AGBL4: variants seen among roughly 807,000 people sequenced by gnomAD.
The protein encoded by AGBL4 is cytosolic carboxypeptidase 6.
Under a neutral mutation model 66.4 loss-of-function variants are expected in AGBL4, and 58 were observed. The ratio of observed to expected loss-of-function variants is 0.87; its 90% CI spans 0.71 to 1.09. The LOEUF (loss-of-function observed/expected upper bound fraction) is 1.09. AGBL4 is among the 50% of genes least tolerant of loss of function. The probability of loss-of-function intolerance (pLI) is 0.00; values close to 1 mark genes in which losing one functional copy is unlikely to be tolerated. For synonymous variants in AGBL4, 234 were observed against 222.9 expected (o/e 1.05, Z -0.44); for missense variants, 579 against 631.0 (o/e 0.92, Z 0.88).
chr1:49,135,944 C>T (rs146068343), intron 4 of AGBL4, among the ~76,000 whole-genome samples: 3 of 152,142 alleles, frequency 2.0e-5, no homozygotes, highest in Non-Finnish European at 4.4e-5. Flanking sequence ...GTGATTGTAA[C>T]TGAATTGTGA....
chr1:49,169,457 G>A (rs1373860874), intron 4 of AGBL4, among the ~76,000 whole-genome samples: 1 of 152,094 alleles, frequency 6.6e-6, no homozygotes, highest in African/African-American at 2.4e-5. Flanking sequence ...GATCATCCAT[G>A]TCATGTGGTC....
chr1:49,337,936 T>C (rs1471510083), intron 3 of AGBL4, among the ~76,000 whole-genome samples: 1 of 152,186 alleles, frequency 6.6e-6, no homozygotes, highest in African/African-American at 2.4e-5. Flanking sequence ...CTGTCTCTAA[T>C]CTTGTCATTA....
intron 5 of AGBL4, among the ~76,000 whole-genome samples, chr1:48,901,805 G>A (rs897921696): frequency 6.6e-6 from 1 of 152,098 alleles, no homozygotes; most frequent in African/African-American, 2.4e-5. Flanking sequence ...AAAAGTTTGA[G>A]GGTGGTATAT....
chr1:48,815,169 T>C (rs1646145493), intron 6 of AGBL4, among the ~76,000 whole-genome samples: 1 of 152,210 alleles, frequency 6.6e-6, no homozygotes, highest in African/African-American at 2.4e-5. Context: ...GCATTTTCCA[T>C]ATATTTTTTG....
intron 5 of AGBL4, among the ~76,000 whole-genome samples, chr1:48,901,243 C>T (rs1652053588): frequency 6.6e-6 from 1 of 152,106 alleles, no homozygotes; most frequent in African/African-American, 2.4e-5. Context: ...AATGAAGGAA[C>T]TGGAATTGTC....
intron 2 of AGBL4, among the ~76,000 whole-genome samples, chr1:49,708,172 C>G (rs1192707758): frequency 1.3e-5 from 2 of 152,082 alleles, no homozygotes; most frequent in Non-Finnish European, 1.5e-5. Flanking sequence ...CATTCTCCCC[C>G]TCATTTTCAG....
At chr1:49,203,840 A>G (rs1369178187) in intron 4 of AGBL4, among the ~76,000 whole-genome samples, 1 of 152,190 alleles carries the variant, frequency 6.6e-6, no homozygotes, top group Non-Finnish European at 1.5e-5. Context: ...CATGCAAGAT[A>G]GAAAAGTGTT....
At chr1:49,577,728 A>G (rs550573992) in intron 3 of AGBL4, among the ~76,000 whole-genome samples, 1 of 152,300 alleles carries the variant, frequency 6.6e-6, no homozygotes, top group African/African-American at 2.4e-5. Flanking sequence ...AGGCTCATGG[A>G]ATTCACTGGT....
downstream of AGBL4, among the ~76,000 whole-genome samples, chr1:48,532,171 A>G (rs1181535627): frequency 3.3e-5 from 5 of 152,172 alleles, no homozygotes; most frequent in African/African-American, 4.8e-5. Flanking sequence ...TTTCCTAGTC[A>G]TATTCCAAAT....
intron 1 of AGBL4, among the ~76,000 whole-genome samples, chr1:49,991,785 C>T (rs1053867674): frequency 6.6e-6 from 1 of 152,094 alleles, no homozygotes; most frequent in Non-Finnish European, 1.5e-5. Flanking sequence ...CTTTCGCTCT[C>T]CTCTCTGGAG....
intron 3 of AGBL4, among the ~76,000 whole-genome samples, chr1:49,393,983 A>G (rs887797395): frequency 6.6e-6 from 1 of 152,176 alleles, no homozygotes; most frequent in African/African-American, 2.4e-5. Context: ...ACTTTATTCT[A>G]CAGACAATGG....
At chr1:48,942,164 G>A (rs1329233616) in intron 5 of AGBL4, among the ~76,000 whole-genome samples, 1 of 152,138 alleles carries the variant, frequency 6.6e-6, no homozygotes, top group Non-Finnish European at 1.5e-5. Context: ...CCTGCTCCTT[G>A]CCCAGAGAAA....
intron 3 of AGBL4, among the ~76,000 whole-genome samples, chr1:49,370,841 T>C (rs1182595137): frequency 6.6e-6 from 1 of 152,198 alleles, no homozygotes; most frequent in Non-Finnish European, 1.5e-5. Context: ...TAATTCGAAC[T>C]GTCAACTTGG....
intron 2 of AGBL4, among the ~76,000 whole-genome samples, chr1:49,701,373 G>A (rs746296689): frequency 5.5e-4 from 84 of 151,970 alleles, no homozygotes; most frequent in Non-Finnish European, 1.0e-3. Flanking sequence ...CACAAAAATA[G>A]TAATAATATA....
At chr1:49,691,005 A>T (rs986007246) in intron 3 of AGBL4, among the ~76,000 whole-genome samples, 1 of 152,118 alleles carries the variant, frequency 6.6e-6, no homozygotes, top group African/African-American at 2.4e-5. Context: ...ATTCTTAACT[A>T]GTACATTTTG....
rs542341694 is a variant in AGBL4 at position 48,928,655 on chromosome 1, CT to C, written c.595-61426del. ...TCTGGCTCCATTTACTAGCTAGATG[CT>C]CTTGGTCAAACCACTCAACCTCTCT... On this transcript the variant is annotated intron_variant, in intron 5 of 13. Coordinates refer to ENST00000371839, the MANE Select transcript of AGBL4 (RefSeq NM_032785.4). 2.8e-4 allele frequency among the ~76,000 whole-genome samples: 42 copies of C among 152,212 alleles called. 1 individual carries two copies. The South Asian group carries it at 7.7e-3, about 28-fold the overall frequency.
intron 3 of AGBL4, among the ~76,000 whole-genome samples, chr1:49,378,536 A>C (rs1644520551): frequency 6.6e-6 from 1 of 151,968 alleles, no homozygotes; most frequent in Non-Finnish European, 1.5e-5. Flanking sequence ...GTGGGTTTCC[A>C]TGTTTATCAG....
chr1:49,208,081 C>T (rs1266464221), intron 4 of AGBL4, among the ~76,000 whole-genome samples: 3 of 151,936 alleles, frequency 2.0e-5, no homozygotes, highest in Non-Finnish European at 4.4e-5. Context: ...ATTATATATA[C>T]ATTTCATTTA....
At chr1:49,389,985 A>C (rs912341453) in intron 3 of AGBL4, among the ~76,000 whole-genome samples, 3 of 152,212 alleles carry the variant, frequency 2.0e-5, no homozygotes, top group Admixed American at 1.3e-4. Context: ...ATAACCAGCA[A>C]AATTTCATGC....
Sources: gnomAD v4.1 joint callset for allele counts (sites outside exome capture counted in the v4.1 genomes callset) on GRCh38, gnomAD v4.1.1 for gene constraint, MANE v1.5 for transcripts, NCBI Gene and HGNC (gene_info 2026-07-23, HGNC 2026-07-21) for gene names.